The following STAG3 variants were observed in gnomAD, a reference collection of about 807,000 sequenced individuals.
The protein encoded by STAG3 is STAG3 cohesin complex component, also known as cohesin subunit SA-3.
A neutral mutation model predicts 160.7 loss-of-function variants in STAG3; 101 were observed. That is an observed-to-expected ratio of 0.63 (90% CI 0.54 to 0.74). STAG3 has a LOEUF of 0.74. Among genes scored for constraint, STAG3 ranks in the 30% least tolerant of loss-of-function variants. The pLI, the probability that STAG3 is intolerant of heterozygous loss-of-function variation, is 0.00. For synonymous variants in STAG3, 519 were observed against 585.0 expected, an observed-to-expected ratio of 0.89 and a Z score of 1.63; for missense variants, 1,188 against 1,517.4, an observed-to-expected ratio of 0.78 and a Z score of 3.61.
intron 9 of STAG3, among the ~76,000 whole-genome samples, chr7:100,196,357 G>A (rs1005652070): frequency 6.6e-6 from 1 of 151,248 alleles, no homozygotes; most frequent in South Asian, 2.1e-4. Context: ...CTCGGCTCAC[G>A]GCAAGCCCCA....
chr7:100,211,637 G>C lies in STAG3; in HGVS notation c.3518+98G>C, dbSNP rs374391423. On this transcript the variant is annotated intron_variant, in intron 31 of 33. Coordinates refer to ENST00000615138, the MANE Select transcript of STAG3 (RefSeq NM_001282717.2). ...CATTGCCTCTCTGTGGGTGCTTTTT[G>C]GACTTGTTTTAGCCACAGAGCACTT... The C allele has an allele frequency of 3.2e-4, 478 of 1,480,504 alleles. 4 individuals are homozygous for C. In the South Asian group the frequency reaches 5.3e-3, roughly 16 times the overall value. 91.7% of individuals were successfully genotyped at this position (1,480,504 alleles called of 1,614,324 possible). A position where few individuals can be genotyped will look rare whatever the true frequency, so the allele number is the denominator to read the frequency against.
chr7:100,190,986 T>C (rs1012345420), intron 8 of STAG3, among the ~76,000 whole-genome samples: 2 of 152,130 alleles, frequency 1.3e-5, no homozygotes, highest in Non-Finnish European at 1.5e-5. Context: ...CTGTCGAAAA[T>C]GATATGTTGT....
intron 9 of STAG3, among the ~76,000 whole-genome samples, chr7:100,195,791 G>A (rs1010185377): frequency 6.6e-6 from 1 of 152,156 alleles, no homozygotes; most frequent in Non-Finnish European, 1.5e-5. Context: ...GCGAAGGGCA[G>A]GGGAGTTTTA....
At position 100,211,550 on chromosome 7, in the gene STAG3, CTCA is replaced by C; in HGVS notation, c.3518+17_3518+19del. The C allele has an allele frequency of 6.2e-7, 1 of 1,612,746 alleles. No homozygotes were observed. The highest frequency in any genetic ancestry group is 1.1e-5 in the South Asian group (1 of 91,034). ...CAACCAGCTGATGCGGTGAGCTTTTCTCATCATCTCCTGTCTTCACTTCAGATC... is the reference window on the plus strand; with the variant it reads ...CAACCAGCTGATGCGGTGAGCTTTTCTCATCTCCTGTCTTCACTTCAGATC... On this transcript the variant is annotated intron_variant, in intron 31 of 33. Transcript: ENST00000615138.
At chr7:100,190,667 T>C (rs1584681695) in intron 8 of STAG3, among the ~76,000 whole-genome samples, 3 of 152,200 alleles carry the variant, frequency 2.0e-5, no homozygotes, top group Non-Finnish European at 4.4e-5. Context: ...TAAATGTATA[T>C]AGGCTCTTGA....
intron 32 of STAG3, chr7:100,212,845 T>C (rs1045198070): frequency 2.6e-5 from 4 of 151,818 alleles, no homozygotes; most frequent in Non-Finnish European, 5.9e-5. Flanking sequence ...AGTCCAGGAG[T>C]TGGAGTCCAG....
chr7:100,216,895 T>A (rs1270567192), downstream of STAG3, among the ~76,000 whole-genome samples: 1 of 152,192 alleles, frequency 6.6e-6, no homozygotes, highest in Non-Finnish European at 1.5e-5. Flanking sequence ...GCTTTTTAAA[T>A]AGATCCAAAC....
chr7:100,200,816 T>C lies in STAG3; in HGVS notation c.1908T>C (p.His636=), dbSNP rs1801063928. 1.9e-6 allele frequency: 3 copies of C among 1,614,116 alleles called. No individual in the cohort carries two copies. The highest frequency in any genetic ancestry group is 3.3e-5 in the Admixed American group (2 of 60,000). The part of the protein sequence containing the change: ...LQQLQEVVVK[H]AEPAVLEAGA... ...AACTCCAGGAGGTGGTGGTGAAGCA[T>C]GCAGAGCCAGCGGTGCTTGAGGCTG... The change falls in exon 19 of 34, where the codon CAT becomes CAC. Residue 636 remains histidine, a synonymous_variant. Transcript: ENST00000615138.
chr7:100,206,792 A>G (rs1008754301), intron 29 of STAG3, among the ~76,000 whole-genome samples: 13 of 152,198 alleles, frequency 8.5e-5, no homozygotes, highest in African/African-American at 2.9e-4. Context: ...TTTAAAGTGT[A>G]CACTTAGCAT....
At position 100,213,819 on chromosome 7, in the gene STAG3, A is replaced by G. The variant is rs1322238778; in HGVS notation, c.3672+13A>G. On this transcript the variant is annotated intron_variant, in intron 33 of 33. Coordinates refer to ENST00000615138, the MANE Select transcript of STAG3 (RefSeq NM_001282717.2). ...GCTGGATATTGAGGTGAGTGTCCCC[A>G]GAGCAGGAGTTATGTATCCTTCGGA... The G allele has an allele frequency of 5.6e-6, 9 of 1,614,202 alleles. No homozygotes were observed. The highest frequency in any genetic ancestry group is 1.7e-5 in the Admixed American group (1 of 60,028).
chr7:100,211,551 T>C lies in STAG3; in HGVS notation c.3518+12T>C. On this transcript the variant is annotated intron_variant, in intron 31 of 33. Transcript: ENST00000615138. ...AACCAGCTGATGCGGTGAGCTTTTC[T>C]CATCATCTCCTGTCTTCACTTCAGA... 1 of 1,612,774 alleles carries C rather than the reference T, an allele frequency of 6.2e-7. No homozygotes were observed. Among genetic ancestry groups the C allele is most frequent in the African/African-American group, 1.3e-5 (1 of 74,938 alleles).
Position 100,198,936 on chromosome 7 carries a change from G to C in STAG3, c.1446G>C (p.Leu482=), listed in dbSNP as rs761300855. The change falls in exon 14 of 34, where the codon CTG becomes CTC. Residue 482 remains leucine, a synonymous_variant. Coordinates refer to ENST00000615138, the MANE Select transcript of STAG3 (RefSeq NM_001282717.2). ...GAQRTFFQLL[L]SFFVESELHD... ...AGAGGACTTTCTTCCAGCTTCTGCT[G>C]TCCTTCTTTGTGGAGAGCGAGGTGA... 5 of 1,612,136 alleles carry C rather than the reference G, an allele frequency of 3.1e-6. No individual in the cohort carries two copies. Among genetic ancestry groups the C allele is most frequent in the Non-Finnish European group, 2.5e-6 (3 of 1,179,946 alleles).
chr7:100,199,674 A>C, intron 16 of STAG3, 30 bp downstream of exon 16: 1 of 1,495,616 alleles, frequency 6.7e-7, no homozygotes, highest in Non-Finnish European at 9.1e-7. Flanking sequence ...TGGGTAGGTC[A>C]GCAATACTCA....
chr7:100,214,278 T>A lies in STAG3; in HGVS notation c.*263T>A. 1.9e-6 allele frequency: 1 copy of A among 531,646 alleles called. No individual in the cohort carries two copies. 32.9% of individuals were successfully genotyped at this position (531,646 alleles called of 1,614,324 possible). A position where few individuals can be genotyped will look rare whatever the true frequency, so the allele number is the denominator to read the frequency against. On this transcript the variant is annotated 3_prime_UTR_variant, in exon 34 of 34. Transcript: ENST00000615138. ...GTTTGGAGTGGAGAAGGGCAGCACC[T>A]CTGTGTTTAATGGAAATAGCCCATA...
chr7:100,181,169 AT>A (rs2117051401), intron 2 of STAG3, among the ~76,000 whole-genome samples: 1 of 151,912 alleles, frequency 6.6e-6, no homozygotes, highest in Non-Finnish European at 1.5e-5. Context: ...CTACTTGGGG[AT>A]TTTGTAAATA....
chr7:100,182,655 C>T (rs1799721270), intron 3 of STAG3, 68 bp from the exon 4 acceptor site: 2 of 1,556,198 alleles, frequency 1.3e-6, no homozygotes, highest in African/African-American at 1.4e-5. Context: ...ATGATGAAAC[C>T]AAGCGTTAAT....
At chr7:100,211,982 AAG>A in intron 32 of STAG3, 106 bp downstream of exon 32, 1 of 1,005,632 alleles carries the variant, frequency 9.9e-7, no homozygotes, top group Non-Finnish European at 1.5e-6. Flanking sequence ...TGGTCTGGAA[AAG>A]CTGAATGAAT....
chr7:100,189,454 T>C lies in STAG3; in HGVS notation c.725T>C (p.Leu242Pro). Reference protein sequence around the residue: ...RHTSTLAAMKLMTSLVKVALQ... With the variant: ...RHTSTLAAMKPMTSLVKVALQ... ...TTTTCCTTTCTCAAAGCTATGAAAC[T>C]GATGACCTCCCTGGTAAAAGTTGCC... Residue 242 changes from leucine to proline, a missense_variant, in exon 8 of 34, where the codon CTG becomes CCG. Coordinates refer to ENST00000615138, the MANE Select transcript of STAG3 (RefSeq NM_001282717.2). 6.2e-7 allele frequency: 1 copy of C among 1,613,588 alleles called. No individual in the cohort carries two copies. Among genetic ancestry groups the C allele is most frequent in the Non-Finnish European group, 8.5e-7 (1 of 1,179,836 alleles).
intron 32 of STAG3, chr7:100,213,484 C>T (rs1340028165): frequency 1.0e-6 from 1 of 984,710 alleles, no homozygotes; most frequent in Non-Finnish European, 1.2e-6. Flanking sequence ...TATTTCCTAA[C>T]ATCTCAGAAA....
Sources: allele counts gnomAD v4.1 joint callset (sites outside exome capture counted in the v4.1 genomes callset), GRCh38; gene constraint gnomAD v4.1.1; transcripts MANE v1.5; gene names NCBI Gene and HGNC (gene_info 2026-07-23, HGNC 2026-07-21).